PRKG1: variants seen among roughly 807,000 people sequenced by gnomAD.
The protein encoded by PRKG1 is cGMP-dependent protein kinase 1.
PRKG1 carries 35 observed loss-of-function variants against 88.1 expected under a neutral mutation model. The ratio of observed to expected loss-of-function variants is 0.40; its 90% CI spans 0.30 to 0.53. PRKG1 has a LOEUF of 0.53. PRKG1 is among the 20% of genes least tolerant of loss of function. The probability of loss-of-function intolerance (pLI) is 0.59; values close to 1 mark genes in which losing one functional copy is unlikely to be tolerated. For synonymous variants in PRKG1, 303 were observed against 292.5 expected (o/e 1.04, Z -0.37); for missense variants, 540 against 839.8 (o/e 0.64, Z 4.41).
At chr10:52,175,741 G>C (rs752386690) in intron 9 of PRKG1, among the ~76,000 whole-genome samples, 1 of 152,040 alleles carries the variant, frequency 6.6e-6, no homozygotes, top group Middle Eastern at 3.2e-3. Context: ...CTTCCCTGAT[G>C]ATTGGTATGT....
chr10:52,026,307 A>G (rs1164319120), intron 5 of PRKG1, among the ~76,000 whole-genome samples: 2 of 152,218 alleles, frequency 1.3e-5, no homozygotes, highest in African/African-American at 4.8e-5. Flanking sequence ...TAAACAAAAC[A>G]AAATAGTGAG....
intron 3 of PRKG1, among the ~76,000 whole-genome samples, chr10:51,664,386 G>A (rs1189143214): frequency 6.6e-6 from 1 of 152,168 alleles, no homozygotes; most frequent in Admixed American, 6.6e-5. Context: ...AAAGTAATAA[G>A]GATCTGTGTT....
chr10:51,366,731 T>C (rs1408714256), intron 2 of PRKG1, among the ~76,000 whole-genome samples: 4 of 151,980 alleles, frequency 2.6e-5, no homozygotes, highest in Admixed American at 2.6e-4. Flanking sequence ...GACAAGATTA[T>C]AAAAAATCAT....
At chr10:51,121,861 A>G (rs1038625635) in intron 1 of PRKG1, among the ~76,000 whole-genome samples, 1 of 152,188 alleles carries the variant, frequency 6.6e-6, no homozygotes, top group African/African-American at 2.4e-5. Flanking sequence ...TGCATGGTAC[A>G]GTTAACAAGT....
chr10:51,642,581 T>G (rs1378110825), intron 3 of PRKG1, among the ~76,000 whole-genome samples: 2 of 152,194 alleles, frequency 1.3e-5, no homozygotes, highest in Non-Finnish European at 2.9e-5. Context: ...GAACACAGAC[T>G]AGTTGATTTT....
chr10:52,066,040 T>G (rs80315803), intron 7 of PRKG1, among the ~76,000 whole-genome samples: 40 of 152,332 alleles, frequency 2.6e-4, no homozygotes, highest in Non-Finnish European at 4.4e-4. Context: ...CATCTCTTTC[T>G]TATGCTGTTA....
At chr10:51,929,038 TAAC>T (rs1180936715) in intron 5 of PRKG1, among the ~76,000 whole-genome samples, 2 of 152,132 alleles carry the variant, frequency 1.3e-5, no homozygotes, top group Non-Finnish European at 2.9e-5. Context: ...ACCAAAACAA[TAAC>T]AACAACCATA....
chr10:51,769,057 G>C (rs924908164), intron 3 of PRKG1, among the ~76,000 whole-genome samples: 1 of 152,282 alleles, frequency 6.6e-6, no homozygotes, highest in African/African-American at 2.4e-5. Flanking sequence ...ACAAACAACT[G>C]TTTGTTCTGG....
intron 3 of PRKG1, among the ~76,000 whole-genome samples, chr10:51,484,130 A>G (rs1156476512): frequency 2.0e-5 from 3 of 152,208 alleles, no homozygotes; most frequent in Non-Finnish European, 4.4e-5. Flanking sequence ...CTAATGATAT[A>G]AAACCTTTAC....
chr10:51,758,495 G>T (rs1454980532), intron 3 of PRKG1, among the ~76,000 whole-genome samples: 1 of 152,162 alleles, frequency 6.6e-6, no homozygotes, highest in Non-Finnish European at 1.5e-5. Flanking sequence ...GGGGCTTTCA[G>T]CTTGAGCAGA....
chr10:52,040,525 T>G (rs1205433967), intron 5 of PRKG1, among the ~76,000 whole-genome samples: 1 of 152,212 alleles, frequency 6.6e-6, no homozygotes, highest in Admixed American at 6.5e-5. Flanking sequence ...ATGAACTAAG[T>G]TTAAAATAGA....
intron 3 of PRKG1, among the ~76,000 whole-genome samples, chr10:51,669,335 T>C (rs2132344854): frequency 6.6e-6 from 1 of 152,304 alleles, no homozygotes; most frequent in East Asian, 1.9e-4. Context: ...TGTCTCTTTC[T>C]TCTTATAAGG....
intron 2 of PRKG1, among the ~76,000 whole-genome samples, chr10:51,307,130 A>C (rs894922264): frequency 8.5e-5 from 13 of 152,082 alleles, no homozygotes; most frequent in Non-Finnish European, 1.5e-4. Flanking sequence ...ATTATTATAC[A>C]GTGTTAATAT....
At chr10:51,670,063 T>A (rs993915173) in intron 3 of PRKG1, among the ~76,000 whole-genome samples, 2 of 152,214 alleles carry the variant, frequency 1.3e-5, no homozygotes, top group African/African-American at 4.8e-5. Context: ...TTGATGTGAA[T>A]GAGTTTAAAC....
At chr10:51,323,342 T>C (rs942387787) in intron 2 of PRKG1, among the ~76,000 whole-genome samples, 6 of 152,196 alleles carry the variant, frequency 3.9e-5, no homozygotes, top group Non-Finnish European at 8.8e-5. Flanking sequence ...TTGTTTCAAA[T>C]AGCACTAGAC....
At chr10:51,515,976 T>C (rs1841568630) in intron 3 of PRKG1, among the ~76,000 whole-genome samples, 1 of 152,186 alleles carries the variant, frequency 6.6e-6, no homozygotes, top group African/African-American at 2.4e-5. Context: ...ATCAGCTCAG[T>C]GGGCCCTTTG....
intron 3 of PRKG1, among the ~76,000 whole-genome samples, chr10:51,677,720 C>T (rs182184666): frequency 2.6e-4 from 40 of 152,274 alleles, no homozygotes; most frequent in Admixed American, 4.6e-4. Flanking sequence ...AAAGCAGAAC[C>T]CAGGGTCTCA....
chr10:51,345,385 A>G (rs1842090213), intron 2 of PRKG1, among the ~76,000 whole-genome samples: 3 of 152,120 alleles, frequency 2.0e-5, no homozygotes, highest in African/African-American at 7.2e-5. Flanking sequence ...TTTTCTATTA[A>G]CTGTAATAGG....
chr10:51,582,418 C>A (rs1352695704), intron 3 of PRKG1, among the ~76,000 whole-genome samples: 1 of 152,134 alleles, frequency 6.6e-6, no homozygotes, highest in Non-Finnish European at 1.5e-5. Context: ...ACCTCTCAAC[C>A]CATCACCTAG....
Sources: allele counts gnomAD v4.1 joint callset (sites outside exome capture counted in the v4.1 genomes callset), GRCh38; gene constraint gnomAD v4.1.1; transcripts MANE v1.5; gene names NCBI Gene and HGNC (gene_info 2026-07-23, HGNC 2026-07-21).